Variants in NUP62CL observed in about 807,000 individuals in gnomAD.
The protein encoded by NUP62CL is nucleoporin 62 C-terminal like, also known as nucleoporin-62 C-terminal-like protein.
A neutral mutation model predicts 15.3 loss-of-function variants in NUP62CL; 13 were observed. The ratio of observed to expected loss-of-function variants is 0.85; its 90% CI spans 0.55 to 1.35. The LOEUF is 1.35. Ranked by LOEUF, NUP62CL falls within the 40% of genes most tolerant of loss-of-function variation. The pLI is 0.00. For synonymous variants in NUP62CL, 54 were observed against 49.2 expected (o/e 1.10, Z -0.41); for missense variants, 123 against 130.6 (o/e 0.94, Z 0.28).
At chrX:107,166,757 T>A (rs1008156720) in intron 4 of NUP62CL, among the ~76,000 whole-genome samples, 2 of 111,408 alleles carry the variant, frequency 1.8e-5, no homozygotes, top group African/African-American at 6.5e-5. Context: ...GAACAAACTG[T>A]TGATGCACAC....
intron 8 of NUP62CL, among the ~76,000 whole-genome samples, chrX:107,145,349 C>G (rs1360426334): frequency 9.0e-6 from 1 of 110,662 alleles, no homozygotes; most frequent in East Asian, 2.8e-4. Flanking sequence ...TTAACTAGCT[C>G]CCATTTGTCT....
At chrX:107,147,124 A>G (rs1269916393) in intron 8 of NUP62CL, among the ~76,000 whole-genome samples, 2 of 112,044 alleles carry the variant, frequency 1.8e-5, no homozygotes, top group East Asian at 5.6e-4. Context: ...CTTGACTTCT[A>G]TTATCACTAA....
intron 3 of NUP62CL, 79 bp downstream of exon 3, chrX:107,175,010 A>T: frequency 2.8e-6 from 2 of 724,432 alleles, no homozygotes; most frequent in South Asian, 2.3e-5. Flanking sequence ...TGAGACAGAG[A>T]TCTGTAGCAT....
intron 7 of NUP62CL, among the ~76,000 whole-genome samples, chrX:107,152,894 C>T (rs1326007758): frequency 8.9e-6 from 1 of 111,923 alleles, no homozygotes; most frequent in African/African-American, 3.2e-5. Flanking sequence ...TTGACAAATA[C>T]AAAAACTTTA....
chrX:107,205,446 T>C (rs1927653132), intron 1 of NUP62CL, among the ~76,000 whole-genome samples: 1 of 111,528 alleles, frequency 9.0e-6, no homozygotes, highest in Non-Finnish European at 1.9e-5. Context: ...CCATTTTTTG[T>C]TTACTGTAGA....
chrX:107,163,109 C>A (rs753880572), intron 4 of NUP62CL, among the ~76,000 whole-genome samples: 1 of 111,655 alleles, frequency 9.0e-6, no homozygotes, highest in Non-Finnish European at 1.9e-5. Flanking sequence ...GGTAAATATA[C>A]TATTCTACTT....
intron 4 of NUP62CL, among the ~76,000 whole-genome samples, chrX:107,154,513 T>C (rs917981533): frequency 8.9e-6 from 1 of 111,897 alleles, no homozygotes; most frequent in Non-Finnish European, 1.9e-5. Context: ...CTAAAGTCTG[T>C]GCCATAATCT....
chrX:107,135,461 G>T (rs772427542), intron 8 of NUP62CL, among the ~76,000 whole-genome samples: 6 of 111,330 alleles, frequency 5.4e-5, no homozygotes, highest in Non-Finnish European at 1.1e-4. Flanking sequence ...TAGAAGCCAT[G>T]AATGGCAGAG....
chrX:107,143,758 ATTAT>A (rs1235458747), intron 8 of NUP62CL, among the ~76,000 whole-genome samples: 1 of 112,135 alleles, frequency 8.9e-6, no homozygotes, highest in Non-Finnish European at 1.9e-5. Flanking sequence ...TTCTATAACG[ATTAT>A]TTGAGTAGAA....
rs373695388 is a variant in NUP62CL, at chrX:107,145,945, G to A, written c.*42+1798C>T. ...ATTAGATTCAAGTTAAACATTTTGG[G>A]TAAGAATACTACATCATCTTTCAGA... On this transcript the variant is annotated intron_variant, in intron 8 of 8. Transcript: ENST00000372466. Among the ~76,000 whole-genome samples the A allele has an allele frequency of 2.9e-3, 318 of 111,551 alleles. 2 individuals are homozygous for A. The highest frequency in any genetic ancestry group is 9.8e-3 in the African/African-American group (301 of 30,834).
In NUP62CL at chrX:107,156,567, G is replaced by A. The variant is rs746581395; in HGVS notation, c.195-2321C>T. On this transcript the variant is annotated intron_variant, in intron 4 of 8. Coordinates refer to ENST00000372466, the MANE Select transcript of NUP62CL (RefSeq NM_017681.3). ...TATTCCAACAGACCTGCAGCTGAGG[G>A]TCCTGTCTGTTAGAAGGAAAACTAA... Among the ~76,000 whole-genome samples, 663 of 96,258 alleles carry A rather than the reference G, an allele frequency of 6.9e-3. 5 individuals carry two copies. Among genetic ancestry groups the A allele is most frequent in the Non-Finnish European group, 0.01 (502 of 47,845 alleles). The allele number at this position is 96,258 out of a possible 115,157, so 83.6% of individuals were successfully genotyped here.
chrX:107,137,169 T>C (rs1925661428), intron 8 of NUP62CL, among the ~76,000 whole-genome samples: 1 of 112,085 alleles, frequency 8.9e-6, no homozygotes, highest in Non-Finnish European at 1.9e-5. Context: ...AAAAGGAATT[T>C]TGACAAAATC....
chrX:107,166,357 G>A (rs1926516082), intron 4 of NUP62CL, among the ~76,000 whole-genome samples: 1 of 111,969 alleles, frequency 8.9e-6, no homozygotes, highest in Non-Finnish European at 1.9e-5. Flanking sequence ...AAACCATAAT[G>A]AGATATCACT....
chrX:107,167,409 G>A (rs1389006480), intron 4 of NUP62CL, among the ~76,000 whole-genome samples: 1 of 111,878 alleles, frequency 8.9e-6, no homozygotes, highest in African/African-American at 3.2e-5. Context: ...CACAGTAATT[G>A]CACAATAAGT....
intron 8 of NUP62CL, chrX:107,132,065 A>G (rs61743095): frequency 0.053 from 58,481 of 1,109,439 alleles, 1,222 homozygotes; most frequent in Middle Eastern, 0.1. Context: ...AGCTTTCTAC[A>G]TGAAAATGAA....
rs761750261 is a variant in NUP62CL at position 107,131,952 on chromosome X, A to C, written c.*43-7620T>G. 5.7e-4 allele frequency: 577 copies of C among 1,015,057 alleles called. 2 individuals are homozygous for C. The African/African-American group carries it at 9.4e-3, about 17-fold the overall frequency. The allele number at this position is 1,015,057 out of a possible 1,213,427, so 83.7% of individuals were successfully genotyped here. A position where few individuals can be genotyped will look rare whatever the true frequency, so the allele number is the denominator to read the frequency against. The stretch of plus-strand genomic sequence containing the variant: ...CAATGAAGAAGCTCAGCATGACAAG[A>C]ACTCTTCTGACAGAGAAGAAGGAAG... On this transcript the variant is annotated intron_variant, in intron 8 of 8. Coordinates refer to ENST00000372466, the MANE Select transcript of NUP62CL (RefSeq NM_017681.3).
At chrX:107,141,462 A>C (rs1925764153) in intron 8 of NUP62CL, among the ~76,000 whole-genome samples, 1 of 112,148 alleles carries the variant, frequency 8.9e-6, no homozygotes. Context: ...ACAAACAGAG[A>C]TATCTTTGTG....
At chrX:107,161,504 C>A in intron 4 of NUP62CL, among the ~76,000 whole-genome samples, 1 of 73,300 alleles carries the variant, frequency 1.4e-5, no homozygotes, top group African/African-American at 5.2e-5. Flanking sequence ...AAATTGGAAA[C>A]CATCATTCTC....
At chrX:107,173,520 G>A (rs1926697733) in intron 3 of NUP62CL, among the ~76,000 whole-genome samples, 1 of 111,925 alleles carries the variant, frequency 8.9e-6, no homozygotes, top group African/African-American at 3.2e-5. Flanking sequence ...GGAGAAAAGT[G>A]GGGGAACCTG....
Sources: allele counts gnomAD v4.1 joint callset (sites outside exome capture counted in the v4.1 genomes callset), GRCh38; gene constraint gnomAD v4.1.1; transcripts MANE v1.5; gene names NCBI Gene and HGNC (gene_info 2026-07-23, HGNC 2026-07-21).